The following KIAA1549L variants were observed in gnomAD, a reference collection of about 807,000 sequenced individuals.
KIAA1549L encodes the protein UPF0606 protein KIAA1549L.
KIAA1549L carries 88 observed loss-of-function variants against 160.7 expected under a neutral mutation model. The observed-to-expected ratio is 0.55, with a 90% CI of 0.46 to 0.65. The LOEUF (loss-of-function observed/expected upper bound fraction) is 0.65. Ranked by LOEUF, KIAA1549L falls within the 30% of genes least tolerant of loss-of-function variation. The pLI is 0.00. For missense variants in KIAA1549L, 2,258 were observed against 2,437.5 expected, an observed-to-expected ratio of 0.93 and a Z score of 1.55; for synonymous variants, 950 against 976.7, an observed-to-expected ratio of 0.97 and a Z score of 0.51.
At chr11:33,476,034 G>T (rs748095496) in intron 1 of KIAA1549L, among the ~76,000 whole-genome samples, 5 of 152,126 alleles carry the variant, frequency 3.3e-5, no homozygotes, top group Non-Finnish European at 4.4e-5. Flanking sequence ...TCACACACAT[G>T]ATCTTTTAAA....
chr11:33,423,028 T>A (rs1040304265), intron 1 of KIAA1549L, among the ~76,000 whole-genome samples: 3 of 152,204 alleles, frequency 2.0e-5, no homozygotes, highest in Non-Finnish European at 4.4e-5. Flanking sequence ...TGCGATTGAT[T>A]TATCTGTGTG....
intron 1 of KIAA1549L, among the ~76,000 whole-genome samples, chr11:33,464,011 C>T (rs1851993089): frequency 6.6e-6 from 1 of 152,134 alleles, no homozygotes; most frequent in Non-Finnish European, 1.5e-5. Context: ...ACCCTGTATG[C>T]CAGACCCTTA....
intron 1 of KIAA1549L, among the ~76,000 whole-genome samples, chr11:33,428,249 A>C (rs1452978547): frequency 6.6e-6 from 1 of 152,192 alleles, no homozygotes; most frequent in Non-Finnish European, 1.5e-5. Flanking sequence ...GGTAATGTAC[A>C]AGTGTTCTGA....
intron 16 of KIAA1549L, among the ~76,000 whole-genome samples, chr11:33,638,843 AATGAT>A (rs1851512762): frequency 6.6e-6 from 1 of 152,214 alleles, no homozygotes; most frequent in African/African-American, 2.4e-5. Context: ...CTGAATATGA[AATGAT>A]ATAATTTCCT....
chr11:33,565,201 CAG>C (rs1464208434), intron 8 of KIAA1549L, among the ~76,000 whole-genome samples: 1 of 152,094 alleles, frequency 6.6e-6, no homozygotes, highest in Non-Finnish European at 1.5e-5. Context: ...TCCAGGTGGA[CAG>C]AGAGGGCTAG....
rs1218051224 is a variant in KIAA1549L at position 33,376,473 on chromosome 11, C to G, written c.-179C>G. 6.8e-6 allele frequency: 1 copy of G among 147,454 alleles called. No individual in the cohort carries two copies. Among genetic ancestry groups the G allele is most frequent in the Non-Finnish European group, 1.5e-5 (1 of 66,224 alleles). The allele number at this position is 147,454 out of a possible 1,614,324, so 9.1% of individuals were successfully genotyped here. A position where few individuals can be genotyped will look rare whatever the true frequency, so the allele number is the denominator to read the frequency against. Reference sequence around the variant, plus strand: ...GGCCCCTGCGCGGGTGAAGCCGCGGCTCCCTGGAGCCCGCCCCGGGCGCGG... The same window carrying G: ...GGCCCCTGCGCGGGTGAAGCCGCGGGTCCCTGGAGCCCGCCCCGGGCGCGG... On this transcript the variant is annotated 5_prime_UTR_variant, in exon 1 of 21. Coordinates refer to ENST00000658780, the MANE Select transcript of KIAA1549L (RefSeq NM_012194.3). The surrounding 1 kb of genome is among the most constrained non-coding windows in gnomAD (Gnocchi z 5.8).
intron 5 of KIAA1549L, among the ~76,000 whole-genome samples, 175 bp downstream of exon 5, chr11:33,551,434 AC>A (rs1225125458): frequency 6.6e-6 from 1 of 152,060 alleles, no homozygotes; most frequent in Non-Finnish European, 1.5e-5. Flanking sequence ...ATCAGCCTAA[AC>A]TCTTCCAACC....
In KIAA1549L at chr11:33,658,739, G is replaced by C. The variant is rs769037808; in HGVS notation, c.5859-11G>C. 3.2e-6 allele frequency: 5 copies of C among 1,569,178 alleles called. No homozygotes were observed. The Admixed American group carries it at 9.2e-5, about 29-fold the overall frequency. ...GGGACAGTGCTAACGCAGTCCCTCT[G>C]CCCCATCTAGATCCACCTCAGACAT... On this transcript the variant is annotated splice_polypyrimidine_tract_variant and intron_variant, in intron 18 of 20. Coordinates refer to ENST00000658780, the MANE Select transcript of KIAA1549L (RefSeq NM_012194.3).
At chr11:33,615,409 C>G (rs1251149545) in intron 15 of KIAA1549L, among the ~76,000 whole-genome samples, 1 of 152,184 alleles carries the variant, frequency 6.6e-6, no homozygotes, top group Non-Finnish European at 1.5e-5. Flanking sequence ...ACTTACTTCT[C>G]AAGTTTGTAT....
chr11:33,425,518 T>C (rs1273460879), intron 1 of KIAA1549L, among the ~76,000 whole-genome samples: 1 of 152,234 alleles, frequency 6.6e-6, no homozygotes, highest in Non-Finnish European at 1.5e-5. Flanking sequence ...GGCATTTCCT[T>C]ATGGAACATA....
At chr11:33,473,019 G>A (rs1852212318) in intron 1 of KIAA1549L, among the ~76,000 whole-genome samples, 1 of 152,186 alleles carries the variant, frequency 6.6e-6, no homozygotes, top group African/African-American at 2.4e-5. Context: ...AGAGCCCAGT[G>A]CAGGGTCTCA....
rs184997060 is a variant in KIAA1549L, at chr11:33,480,069, C to T, written c.239-61733C>T. 4.2e-4 allele frequency among the ~76,000 whole-genome samples: 64 copies of T among 152,012 alleles called. 1 individual carries two copies. The highest frequency in any genetic ancestry group is 1.7e-3 in the South Asian group (8 of 4,804). On this transcript the variant is annotated intron_variant, in intron 1 of 20. Coordinates refer to ENST00000658780, the MANE Select transcript of KIAA1549L (RefSeq NM_012194.3). Reference sequence around the variant, plus strand: ...TTGTGTGTGTGTGTGTGTGTGCACGCGTGCTTAAAATAGCTTTGTTGAGAT... The same window carrying T: ...TTGTGTGTGTGTGTGTGTGTGCACGTGTGCTTAAAATAGCTTTGTTGAGAT...
Position 33,542,341 on chromosome 11 carries a change from A to C in KIAA1549L, c.778A>C (p.Ile260Leu). Residue 260 changes from isoleucine (I) to leucine (L), a missense_variant, in exon 2 of 21, where the codon ATC (isoleucine) becomes CTC (leucine). Physicochemically the swap from Ile to Leu is conservative, Grantham distance 5. Transcript: ENST00000658780. ...SLAPDSPHSIISEPAEQSPKV... is the reference protein window; with the variant it reads ...SLAPDSPHSILSEPAEQSPKV... ...GGCTCCTGACTCACCTCATTCCATCATCTCTGAGCCAGCAGAGCAATCCCC... is the reference window on the plus strand; with the variant it reads ...GGCTCCTGACTCACCTCATTCCATCCTCTCTGAGCCAGCAGAGCAATCCCC... The C allele has an allele frequency of 1.3e-6, 1 of 767,816 alleles. No individual in the cohort carries two copies. The highest frequency in any genetic ancestry group is 2.1e-6 in the Non-Finnish European group (1 of 470,538). 47.6% of individuals were successfully genotyped at this position (767,816 alleles called of 1,614,324 possible). A position where few individuals can be genotyped will look rare whatever the true frequency, so the allele number is the denominator to read the frequency against.
At chr11:33,614,158 T>C (rs1850718163) in intron 15 of KIAA1549L, among the ~76,000 whole-genome samples, 1 of 152,176 alleles carries the variant, frequency 6.6e-6, no homozygotes. Context: ...TAAGTTACAC[T>C]GTTGCAATAA....
chr11:33,660,802 G>A (rs1378760786), intron 19 of KIAA1549L, 61 bp from the exon 20 acceptor site: 1 of 1,539,092 alleles, frequency 6.5e-7, no homozygotes, highest in South Asian at 1.2e-5. Context: ...TTGGCTCTTG[G>A]GTGGCTGGAT....
At chr11:33,445,149 C>T (rs192075143) in intron 1 of KIAA1549L, among the ~76,000 whole-genome samples, 1 of 152,256 alleles carries the variant, frequency 6.6e-6, no homozygotes, top group East Asian at 1.9e-4. Flanking sequence ...AGGGCAGGGC[C>T]ATGGTGAGGA....
At chr11:33,527,398 G>A (rs1351254082) in intron 1 of KIAA1549L, among the ~76,000 whole-genome samples, 1 of 152,108 alleles carries the variant, frequency 6.6e-6, no homozygotes, top group African/African-American at 2.4e-5. Context: ...CACATGTAGA[G>A]GAGTGAAACT....
intron 1 of KIAA1549L, among the ~76,000 whole-genome samples, chr11:33,442,358 G>A (rs1245706365): frequency 6.6e-6 from 1 of 152,124 alleles, no homozygotes; most frequent in African/African-American, 2.4e-5. Flanking sequence ...GTAGCATGAT[G>A]CCTCCAGCTT....
intron 9 of KIAA1549L, among the ~76,000 whole-genome samples, chr11:33,572,644 A>AT (rs1424184315): frequency 1.3e-5 from 2 of 152,180 alleles, no homozygotes; most frequent in East Asian, 1.9e-4. Context: ...AGTTTATTCA[A>AT]TTTTTTTGCT....
Sources: allele counts gnomAD v4.1 joint callset (sites outside exome capture counted in the v4.1 genomes callset), GRCh38; gene constraint gnomAD v4.1.1; non-coding constraint Gnocchi (gnomAD v3.1); transcripts MANE v1.5; gene names NCBI Gene and HGNC (gene_info 2026-07-23, HGNC 2026-07-21).